Variants in KIF16B observed in about 807,000 individuals in gnomAD.
KIF16B encodes the protein kinesin family member 16B.
Under a neutral mutation model 156.3 loss-of-function variants are expected in KIF16B, and 98 were observed. That is an observed-to-expected ratio of 0.63 (90% CI 0.53 to 0.74). The LOEUF is 0.74. KIF16B is among the 30% of genes least tolerant of loss of function. The pLI is 0.00. For synonymous variants in KIF16B, 564 were observed against 583.7 expected, an observed-to-expected ratio of 0.97 and a Z score of 0.49; for missense variants, 1,421 against 1,606.5, an observed-to-expected ratio of 0.88 and a Z score of 1.97.
At chr20:16,500,946 G>A (rs1339854279) in intron 10 of KIF16B, among the ~76,000 whole-genome samples, 1 of 151,538 alleles carries the variant, frequency 6.6e-6, no homozygotes, top group East Asian at 1.9e-4. Context: ...TTTACTTGTT[G>A]TCTCCAGATA....
At chr20:16,418,563 C>G (rs1467674838) in intron 15 of KIF16B, among the ~76,000 whole-genome samples, 2 of 152,088 alleles carry the variant, frequency 1.3e-5, no homozygotes, top group East Asian at 3.9e-4. Flanking sequence ...CACAATGGAC[C>G]AGCATTGCCT....
At chr20:16,515,281 C>G (rs921154549) in intron 4 of KIF16B, among the ~76,000 whole-genome samples, 1 of 152,098 alleles carries the variant, frequency 6.6e-6, no homozygotes, top group Non-Finnish European at 1.5e-5. Flanking sequence ...GCCCAACACA[C>G]TTTTTTGATA....
chr20:16,289,397 C>G (rs6080206), intron 25 of KIF16B, among the ~76,000 whole-genome samples: 40,770 of 152,010 alleles, frequency 0.27, 5,554 homozygotes, highest in East Asian at 0.37. Flanking sequence ...TGTTTGGAAA[C>G]ACATGGGCTT....
At chr20:16,407,322 TGA>T (rs1438875152) in intron 15 of KIF16B, among the ~76,000 whole-genome samples, 1 of 152,124 alleles carries the variant, frequency 6.6e-6, no homozygotes, top group African/African-American at 2.4e-5. Flanking sequence ...CATCCATGTA[TGA>T]GAGGCCACGT....
chr20:16,370,148 G>T (rs920980272), intron 22 of KIF16B, among the ~76,000 whole-genome samples: 1 of 152,094 alleles, frequency 6.6e-6, no homozygotes, highest in Non-Finnish European at 1.5e-5. Context: ...CAAATTGCAT[G>T]CCCAAATAAA....
chr20:16,536,076 T>A (rs182039998), intron 1 of KIF16B, among the ~76,000 whole-genome samples: 1 of 152,254 alleles, frequency 6.6e-6, no homozygotes, highest in African/African-American at 2.4e-5. Context: ...AGCAAAGATA[T>A]TATCAACGTA....
At chr20:16,413,825 T>C (rs957371535) in intron 15 of KIF16B, among the ~76,000 whole-genome samples, 1 of 150,946 alleles carries the variant, frequency 6.6e-6, no homozygotes, top group African/African-American at 2.4e-5. Context: ...ATGTGACAGG[T>C]GGAGAAACCA....
chr20:16,541,853 CAGG>C (rs2070215246), intron 1 of KIF16B, among the ~76,000 whole-genome samples: 1 of 152,218 alleles, frequency 6.6e-6, no homozygotes, highest in African/African-American at 2.4e-5. Flanking sequence ...AGAGTTGCCA[CAGG>C]TTGGGCACAG....
chr20:16,297,221 G>GA (rs2063400680), intron 25 of KIF16B, among the ~76,000 whole-genome samples: 2 of 152,184 alleles, frequency 1.3e-5, no homozygotes, highest in South Asian at 2.1e-4. Flanking sequence ...CATGAATCAG[G>GA]TCTCTCCCCA....
At chr20:16,515,932 A>G (rs2069130534) in intron 3 of KIF16B, among the ~76,000 whole-genome samples, 1 of 152,258 alleles carries the variant, frequency 6.6e-6, no homozygotes, top group African/African-American at 2.4e-5. Flanking sequence ...AATGTAAACA[A>G]GGCAAAGTGA....
intron 1 of KIF16B, among the ~76,000 whole-genome samples, chr20:16,544,399 C>T (rs1344941666): frequency 6.6e-6 from 1 of 152,028 alleles, no homozygotes; most frequent in Non-Finnish European, 1.5e-5. Flanking sequence ...GATTGGAGGT[C>T]AAGAATTCGA....
chr20:16,348,328 C>T (rs1328966954), intron 23 of KIF16B, among the ~76,000 whole-genome samples: 1 of 152,120 alleles, frequency 6.6e-6, no homozygotes. Context: ...GCACTTAGAC[C>T]TGACATGAAC....
chr20:16,516,488 C>A (rs6044047), intron 3 of KIF16B, among the ~76,000 whole-genome samples: 1 of 152,088 alleles, frequency 6.6e-6, no homozygotes, highest in African/African-American at 2.4e-5. Context: ...CCTCTCAGCC[C>A]AGCACACTAA....
At chr20:16,342,593 A>C (rs901127517) in intron 23 of KIF16B, among the ~76,000 whole-genome samples, 1 of 152,148 alleles carries the variant, frequency 6.6e-6, no homozygotes, top group African/African-American at 2.4e-5. Context: ...GTAAAAAAAA[A>C]CTGCAGAGAA....
chr20:16,542,861 G>GT (rs2070257961), intron 1 of KIF16B, among the ~76,000 whole-genome samples: 1 of 152,154 alleles, frequency 6.6e-6, no homozygotes, highest in East Asian at 1.9e-4. Flanking sequence ...TGGCAAAGTC[G>GT]TATTTATATT....
chr20:16,493,109 A>G (rs2068346110), intron 12 of KIF16B, among the ~76,000 whole-genome samples: 1 of 152,234 alleles, frequency 6.6e-6, no homozygotes, highest in Admixed American at 6.5e-5. Flanking sequence ...TGACATTATC[A>G]TTGTAATCAG....
chr20:16,347,812 C>G (rs767728655), intron 23 of KIF16B, among the ~76,000 whole-genome samples: 2 of 152,206 alleles, frequency 1.3e-5, no homozygotes, highest in Non-Finnish European at 2.9e-5. Context: ...GATAATCCAT[C>G]AGTTGCTAAT....
At chr20:16,400,536 G>A (rs1049184290) in intron 17 of KIF16B, among the ~76,000 whole-genome samples, 5 of 152,134 alleles carry the variant, frequency 3.3e-5, no homozygotes, top group Non-Finnish European at 7.4e-5. Context: ...TGAAAACAAG[G>A]ACTCAAACAA....
chr20:16,400,841 T>A (rs2065636685), intron 17 of KIF16B, among the ~76,000 whole-genome samples: 1 of 152,126 alleles, frequency 6.6e-6, no homozygotes, highest in African/African-American at 2.4e-5. Context: ...GTCAGGAGTT[T>A]GGGGGAAGGA....
Sources: gnomAD v4.1 joint callset for allele counts (sites outside exome capture counted in the v4.1 genomes callset) on GRCh38, gnomAD v4.1.1 for gene constraint, MANE v1.5 for transcripts, NCBI Gene and HGNC (gene_info 2026-07-23, HGNC 2026-07-21) for gene names.